The following ATP13A5 variants were observed in gnomAD, a reference collection of about 807,000 sequenced individuals.
ATP13A5 encodes probable cation-transporting ATPase 13A5.
In ATP13A5, 149 loss-of-function variants were observed where a neutral mutation model predicts 150.2. That is an observed-to-expected ratio of 0.99 (90% CI 0.87 to 1.14). The LOEUF (loss-of-function observed/expected upper bound fraction) is 1.14, where lower values mean the gene tolerates loss of function less well. ATP13A5 is among the 50% of genes most tolerant of loss of function. The probability of loss-of-function intolerance (pLI) is 0.00; values close to 1 mark genes in which losing one functional copy is unlikely to be tolerated. For synonymous variants in ATP13A5, 497 were observed against 522.2 expected (o/e 0.95, Z 0.66); for missense variants, 1,383 against 1,449.3 (o/e 0.95, Z 0.74).
At position 193,350,152 on chromosome 3, in the gene ATP13A5, A is replaced by G. The variant is rs554454979; in HGVS notation, c.741+915T>C. 2.3e-3 allele frequency among the ~76,000 whole-genome samples: 354 copies of G among 152,208 alleles called. 3 individuals carry two copies. Among genetic ancestry groups the G allele is most frequent in the African/African-American group, 7.9e-3 (328 of 41,570 alleles). ...AAATGAAAGTTCCAGATTAATGTGCATAGTAAGATCTTATTTTAATTTTAA... is the reference window on the plus strand; with the variant it reads ...AAATGAAAGTTCCAGATTAATGTGCGTAGTAAGATCTTATTTTAATTTTAA... On this transcript the variant is annotated intron_variant, in intron 7 of 29. Coordinates refer to ENST00000342358, the MANE Select transcript of ATP13A5 (RefSeq NM_198505.4).
chr3:193,369,714 C>T (rs1713376938), intron 1 of ATP13A5, among the ~76,000 whole-genome samples: 1 of 152,110 alleles, frequency 6.6e-6, no homozygotes, highest in South Asian at 2.1e-4. Context: ...ATCTCAAACC[C>T]GTTATACATG....
At chr3:193,337,405 A>G (rs1711921797) in intron 9 of ATP13A5, among the ~76,000 whole-genome samples, 1 of 152,066 alleles carries the variant, frequency 6.6e-6, no homozygotes, top group Non-Finnish European at 1.5e-5. Context: ...ATCTTGAATT[A>G]ATTTTTGTAT....
intron 6 of ATP13A5, among the ~76,000 whole-genome samples, chr3:193,351,678 T>C (rs73076712): frequency 0.012 from 1,879 of 152,256 alleles, 44 homozygotes; most frequent in African/African-American, 0.044. Flanking sequence ...CATTTAAAAA[T>C]AGCATATCTT....
At chr3:193,368,392 T>TTGTGTGTGTGTG (rs1286543236) in intron 1 of ATP13A5, among the ~76,000 whole-genome samples, 1,787 of 147,318 alleles carry the variant, frequency 0.012, 15 homozygotes, top group Non-Finnish European at 0.014. Context: ...CTCTTCAGAC[T>TTGTGTGTGTGTG]TGTGTGTGTG....
chr3:193,364,480 T>A (rs1402966080), intron 1 of ATP13A5, among the ~76,000 whole-genome samples, 200 bp from the exon 2 acceptor site: 2 of 152,168 alleles, frequency 1.3e-5, no homozygotes, highest in African/African-American at 4.8e-5. Flanking sequence ...TACCCTGGTA[T>A]ATGGAACTAA....
At chr3:193,313,676 A>G (rs1577343590) in intron 19 of ATP13A5, 1 of 178,956 alleles carries the variant, frequency 5.6e-6, no homozygotes. Flanking sequence ...GTAAAAATTA[A>G]TGGTTTGCCC....
At chr3:193,371,429 C>T (rs1432188019) in intron 1 of ATP13A5, among the ~76,000 whole-genome samples, 2 of 152,190 alleles carry the variant, frequency 1.3e-5, no homozygotes, top group African/African-American at 4.8e-5. Context: ...CTTAATACAA[C>T]ACAGATTTAC....
intron 20 of ATP13A5, among the ~76,000 whole-genome samples, chr3:193,311,079 G>A (rs759355234): frequency 2.0e-5 from 3 of 152,170 alleles, no homozygotes; most frequent in Non-Finnish European, 2.9e-5. Flanking sequence ...ATAGACAGAG[G>A]AAAGGCTGGA....
chr3:193,322,962 A>C (rs1384096925), intron 14 of ATP13A5, among the ~76,000 whole-genome samples: 1 of 152,200 alleles, frequency 6.6e-6, no homozygotes, highest in Non-Finnish European at 1.5e-5. Flanking sequence ...TAAACATGGC[A>C]CTAGTTCTTC....
At chr3:193,372,047 T>C (rs1387959583) in intron 1 of ATP13A5, among the ~76,000 whole-genome samples, 7 of 151,718 alleles carry the variant, frequency 4.6e-5, no homozygotes, top group Admixed American at 4.6e-4. Context: ...ACACCTGTAA[T>C]CAGCACTTTG....
At chr3:193,345,698 G>A (rs1345663830) in intron 7 of ATP13A5, among the ~76,000 whole-genome samples, 1 of 152,150 alleles carries the variant, frequency 6.6e-6, no homozygotes, top group Non-Finnish European at 1.5e-5. Flanking sequence ...TTTCAATCTT[G>A]TCTATTAAGT....
At chr3:193,314,902 C>T (rs968002587) in intron 18 of ATP13A5, 70 bp downstream of exon 18, 9 of 1,562,978 alleles carry the variant, frequency 5.8e-6, no homozygotes, top group Non-Finnish European at 7.0e-6. Context: ...TGAACTCACT[C>T]AGCTCACACA....
rs757521859 is a variant in ATP13A5 at position 193,362,569 on chromosome 3, A to C, written c.453T>G (p.Val151=). ...WNDLEKRFQK[V]GLLEDSNSCS... is the part of the protein sequence containing the mutation. The stretch of plus-strand genomic sequence containing the variant: ...GGGTGACAAAACATTGTACTTACCC[A>C]ACTTTCTGAAACCGCTTCTCCAGGT... Residue 151 remains valine (V), a splice_region_variant and synonymous_variant, in exon 4 of 30, where the codon GTT becomes GTG. Coordinates refer to ENST00000342358, the MANE Select transcript of ATP13A5 (RefSeq NM_198505.4). 3.2e-5 allele frequency: 52 copies of C among 1,614,006 alleles called. No individual in the cohort carries two copies. In the Admixed American group the frequency reaches 8.3e-4, roughly 26 times the overall value.
At chr3:193,305,113 C>T (rs973742728) in intron 23 of ATP13A5, among the ~76,000 whole-genome samples, 1 of 152,150 alleles carries the variant, frequency 6.6e-6, no homozygotes, top group Admixed American at 6.5e-5. Flanking sequence ...TGTCAATCAA[C>T]TTTTTATGTA....
intron 26 of ATP13A5, among the ~76,000 whole-genome samples, chr3:193,287,642 G>A (rs1387491197): frequency 1.3e-5 from 2 of 152,126 alleles, no homozygotes; most frequent in African/African-American, 2.4e-5. Flanking sequence ...AGTGCCCCTG[G>A]TCACCCTTCA....
rs188634928 is a variant in ATP13A5 at position 193,308,800 on chromosome 3, T to G, written c.2526-1431A>C. Reference sequence around the variant, plus strand: ...ATTCATTTTTTAAGGGGAATATGGCTTTTCAAAGTTAGGCATTTTAGTTGG... The same window carrying G: ...ATTCATTTTTTAAGGGGAATATGGCGTTTCAAAGTTAGGCATTTTAGTTGG... On this transcript the variant is annotated intron_variant, in intron 21 of 29. Transcript: ENST00000342358. 1.3e-3 allele frequency among the ~76,000 whole-genome samples: 192 copies of G among 152,324 alleles called. 2 individuals are homozygous for G. In the East Asian group the frequency reaches 0.033, roughly 26 times the overall value.
In ATP13A5 at chr3:193,314,202, CA is replaced by C. The variant is rs764459495; in HGVS notation, c.2159-10del. On this transcript the variant is annotated splice_polypyrimidine_tract_variant and intron_variant, in intron 18 of 29. Coordinates refer to ENST00000342358, the MANE Select transcript of ATP13A5 (RefSeq NM_198505.4). ...CGTTTGAAGGTTATCACCTAGAAGA[CA>C]AAGAAACTTTGCTTGCTGTATGTAC... The C allele has an allele frequency of 4.3e-5, 69 of 1,612,368 alleles. No homozygotes were observed. Among genetic ancestry groups the C allele is most frequent in the Non-Finnish European group, 2.9e-5 (34 of 1,179,088 alleles).
Position 193,314,985 on chromosome 3 carries a change from A to T in ATP13A5, c.2145T>A (p.Thr715=), listed in dbSNP as rs984989943. 2.5e-6 allele frequency: 4 copies of T among 1,613,396 alleles called. No individual in the cohort carries two copies. The highest frequency in any genetic ancestry group is 3.4e-6 in the Non-Finnish European group (4 of 1,179,628). The change falls in exon 18 of 30, where the codon ACT becomes ACA. Residue 715 remains threonine, a synonymous_variant. Coordinates refer to ENST00000342358, the MANE Select transcript of ATP13A5 (RefSeq NM_198505.4). ...ACAAATACATACCTGTAATCATCAC[A>T]GTCCTGATACGGGCCTCACTCAGTT... is the stretch of plus-strand genomic sequence containing the variant. ...LKELSEARIR[T]VMITGDNLQT... is the part of the protein sequence containing the mutation.
At chr3:193,289,439 A>G (rs1442923314) in intron 26 of ATP13A5, among the ~76,000 whole-genome samples, 1 of 152,078 alleles carries the variant, frequency 6.6e-6, no homozygotes, top group Non-Finnish European at 1.5e-5. Flanking sequence ...CTGATTCATC[A>G]CCTGATTTTG....
Sources: allele counts gnomAD v4.1 joint callset (sites outside exome capture counted in the v4.1 genomes callset), GRCh38; gene constraint gnomAD v4.1.1; transcripts MANE v1.5; gene names NCBI Gene and HGNC (gene_info 2026-07-23, HGNC 2026-07-21).